The following PID1 variants were observed in gnomAD, a reference collection of about 807,000 sequenced individuals.
PID1 encodes the protein PTB-containing, cubilin and LRP1-interacting protein.
In PID1, 10 loss-of-function variants were observed where a neutral mutation model predicts 19.1. The observed-to-expected ratio is 0.52, with a 90% confidence interval of 0.32 to 0.89. PID1 has a LOEUF of 0.89. Among genes scored for constraint, PID1 ranks in the 40% least tolerant of loss-of-function variants. The pLI is 0.03. For missense variants in PID1, 248 were observed against 285.3 expected, an observed-to-expected ratio of 0.87 and a Z score of 0.94; for synonymous variants, 130 against 116.0, an observed-to-expected ratio of 1.12 and a Z score of -0.78.
chr2:229,111,394 C>T (rs1399525387), intron 2 of PID1, among the ~76,000 whole-genome samples: 2 of 152,166 alleles, frequency 1.3e-5, no homozygotes, highest in Non-Finnish European at 2.9e-5. Context: ...ATAACTATTA[C>T]ATCGATTAGA....
intron 2 of PID1, among the ~76,000 whole-genome samples, chr2:229,109,881 AC>A (rs1695261955): frequency 6.6e-6 from 1 of 152,142 alleles, no homozygotes; most frequent in South Asian, 2.1e-4. Flanking sequence ...CATATAACAA[AC>A]CACAGTTTTT....
intron 2 of PID1, among the ~76,000 whole-genome samples, chr2:229,104,063 G>C (rs1421616916): frequency 1.3e-5 from 2 of 152,144 alleles, no homozygotes; most frequent in South Asian, 4.1e-4. Flanking sequence ...TTCTACCTTA[G>C]CTGGTTTACT....
intron 2 of PID1, among the ~76,000 whole-genome samples, chr2:229,042,893 A>C (rs536398242): frequency 1.3e-5 from 2 of 152,160 alleles, no homozygotes; most frequent in South Asian, 4.2e-4. Context: ...GAGTTATTAC[A>C]TTGAAAAAAA....
At chr2:229,027,754 T>G (rs1693457172) in intron 2 of PID1, among the ~76,000 whole-genome samples, 2 of 152,218 alleles carry the variant, frequency 1.3e-5, no homozygotes, top group African/African-American at 2.4e-5. Flanking sequence ...AAAGAGGCTG[T>G]GCTAACCTGA....
At chr2:229,103,635 C>A (rs950532346) in intron 2 of PID1, among the ~76,000 whole-genome samples, 25 of 140,856 alleles carry the variant, frequency 1.8e-4, no homozygotes, top group African/African-American at 6.5e-4. Context: ...TGGAGTGCAG[C>A]GGTGTGATCT....
chr2:229,243,830 G>C (rs569865818), intron 1 of PID1, among the ~76,000 whole-genome samples: 1 of 151,580 alleles, frequency 6.6e-6, no homozygotes, highest in Non-Finnish European at 1.5e-5. Flanking sequence ...TTTACACAAA[G>C]TTACATCTAC....
At chr2:229,210,118 C>CAAAAAAAAA (rs1691694585) in intron 1 of PID1, among the ~76,000 whole-genome samples, 1 of 148,306 alleles carries the variant, frequency 6.7e-6, no homozygotes. Flanking sequence ...GGTTTAGTAT[C>CAAAAAAAAA]AGACAGCGAC....
chr2:229,181,143 A>G (rs923285468), intron 1 of PID1, among the ~76,000 whole-genome samples: 1 of 152,178 alleles, frequency 6.6e-6, no homozygotes, highest in Non-Finnish European at 1.5e-5. Flanking sequence ...TTCACCCTCC[A>G]GCTAATTCTG....
chr2:229,121,420 A>G (rs1410210680), intron 2 of PID1, among the ~76,000 whole-genome samples: 1 of 152,234 alleles, frequency 6.6e-6, no homozygotes, highest in Non-Finnish European at 1.5e-5. Flanking sequence ...CCATGTGCCT[A>G]GGAAGCACTT....
At chr2:229,063,133 T>C (rs1202928914) in intron 2 of PID1, among the ~76,000 whole-genome samples, 1 of 152,038 alleles carries the variant, frequency 6.6e-6, no homozygotes, top group Non-Finnish European at 1.5e-5. Context: ...TTTCTGCTCT[T>C]ATCTTCATTA....
At chr2:229,243,537 T>A (rs1269237225) in intron 1 of PID1, among the ~76,000 whole-genome samples, 1 of 152,166 alleles carries the variant, frequency 6.6e-6, no homozygotes, top group Non-Finnish European at 1.5e-5. Flanking sequence ...ATGCCTGGTA[T>A]AGTACCTGGC....
intron 1 of PID1, among the ~76,000 whole-genome samples, chr2:229,168,778 A>C (rs78139952): frequency 0.13 from 19,389 of 152,014 alleles, 1,458 homozygotes; most frequent in East Asian, 0.36. Flanking sequence ...CATCATGTCC[A>C]ATATAGTCTA....
chr2:229,195,244 CT>C (rs1691350217), intron 1 of PID1, among the ~76,000 whole-genome samples: 1 of 151,784 alleles, frequency 6.6e-6, no homozygotes, highest in Admixed American at 6.6e-5. Context: ...CTCTACCCTT[CT>C]GCCCTGTCCC....
chr2:229,128,170 T>C (rs1162990074), intron 2 of PID1, among the ~76,000 whole-genome samples: 1 of 152,172 alleles, frequency 6.6e-6, no homozygotes, highest in African/African-American at 2.4e-5. Flanking sequence ...AAACTTCAAG[T>C]GCTCTCAACA....
chr2:229,059,393 C>A (rs1044262498), intron 2 of PID1, among the ~76,000 whole-genome samples: 3 of 152,226 alleles, frequency 2.0e-5, no homozygotes, highest in Non-Finnish European at 2.9e-5. Context: ...GAAAGCATCG[C>A]TGAATACCTA....
chr2:229,223,814 A>G (rs1267232716), intron 1 of PID1, among the ~76,000 whole-genome samples: 1 of 152,178 alleles, frequency 6.6e-6, no homozygotes, highest in Non-Finnish European at 1.5e-5. Flanking sequence ...GGGGATACCT[A>G]TTCAGGTTTG....
intron 1 of PID1, among the ~76,000 whole-genome samples, chr2:229,199,649 T>C (rs1420015825): frequency 1.3e-5 from 2 of 151,108 alleles, no homozygotes; most frequent in Non-Finnish European, 3.0e-5. Flanking sequence ...TCTCCATGAT[T>C]GCATTTAAAG....
intron 2 of PID1, among the ~76,000 whole-genome samples, chr2:229,098,255 G>A (rs1330922362): frequency 6.6e-6 from 1 of 152,164 alleles, no homozygotes; most frequent in Non-Finnish European, 1.5e-5. Flanking sequence ...GTCCTTATTT[G>A]TAAAATGAGG....
intron 2 of PID1, among the ~76,000 whole-genome samples, chr2:229,114,119 C>CTCTCTCTCTCTCTCTT (rs1333594452): frequency 1.0e-4 from 14 of 137,574 alleles, no homozygotes; most frequent in South Asian, 7.4e-4. Context: ...CTCTTTCTCT[C>CTCTCTCTCTCTCTCTT]TCTCTCTCTC....
Sources: gnomAD v4.1 joint callset for allele counts (sites outside exome capture counted in the v4.1 genomes callset) on GRCh38, gnomAD v4.1.1 for gene constraint, MANE v1.5 for transcripts, NCBI Gene and HGNC (gene_info 2026-07-23, HGNC 2026-07-21) for gene names.